The following BTN2A1 variants were observed in gnomAD, a reference collection of about 807,000 sequenced individuals.
The protein encoded by BTN2A1 is butyrophilin subfamily 2 member A1, also known as butyrophilin, subfamily 2, member A1.
BTN2A1 carries 41 observed loss-of-function variants against 34.5 expected under a neutral mutation model. The observed-to-expected ratio is 1.19, with a 90% CI of 0.93 to 1.54. The LOEUF (loss-of-function observed/expected upper bound fraction) is 1.54. Among genes scored for constraint, BTN2A1 ranks in the 40% most tolerant of loss-of-function variants. BTN2A1 has a pLI of 0.00. For missense variants in BTN2A1, 642 were observed against 662.0 expected, an observed-to-expected ratio of 0.97 and a Z score of 0.33; for synonymous variants, 267 against 258.6, an observed-to-expected ratio of 1.03 and a Z score of -0.31.
chr6:26,468,302 C>G lies in BTN2A1; in HGVS notation c.1337C>G (p.Ser446Cys). ...GATAGGATTCTCCCTTTGAAGGAGT[C>G]CCTTTGCCGGGTGGGCGTCTTCCTG... Reference protein sequence around the residue: ...SPDRILPLKESLCRVGVFLDY... With the variant: ...SPDRILPLKECLCRVGVFLDY... Residue 446 changes from serine (S) to cysteine (C), a missense_variant, in exon 8 of 8, where the codon TCC (serine) becomes TGC (cysteine). Transcript: ENST00000312541. 5 of 1,614,188 alleles carry G rather than the reference C, an allele frequency of 3.1e-6. No homozygotes were observed. The highest frequency in any genetic ancestry group is 4.2e-6 in the Non-Finnish European group (5 of 1,180,048).
In BTN2A1 at chr6:26,459,798, G is replaced by A. The variant is rs373825818; in HGVS notation, c.400G>A (p.Asp134Asn). The change falls in exon 3 of 8, where the codon GAT becomes AAT. Residue 134 changes from aspartate to asparagine, a missense_variant. Physicochemically the swap from Asp to Asn is conservative, Grantham distance 23. Coordinates refer to ENST00000312541, the MANE Select transcript of BTN2A1 (RefSeq NM_007049.5). ...RCYFQEGRSYDEAILHLVVAG... is the reference protein window; with the variant it reads ...RCYFQEGRSYNEAILHLVVAG... ...TTACTTCCAAGAAGGCAGGTCCTAC[G>A]ATGAGGCCATCCTGCACCTCGTAGT... 85 of 1,613,888 alleles carry A rather than the reference G, an allele frequency of 5.3e-5. No homozygotes were observed. Among genetic ancestry groups the A allele is most frequent in the Admixed American group, 2.8e-4 (17 of 59,982 alleles).
In BTN2A1 at chr6:26,468,690, A is replaced by G. The variant is rs760865815; in HGVS notation, c.*141A>G. The stretch of plus-strand genomic sequence containing the variant: ...TCTTCCAGCTGCCTCTTTCACACCC[A>G]CTACAGACCTCAGCCCCAGTTTTCT... On this transcript the variant is annotated 3_prime_UTR_variant, in exon 8 of 8. Transcript: ENST00000312541. The G allele has an allele frequency of 1.1e-5, 17 of 1,613,134 alleles. No homozygotes were observed. The highest frequency in any genetic ancestry group is 1.4e-5 in the Non-Finnish European group (17 of 1,179,966).
At chr6:26,472,266 C>T (rs866861913), downstream of BTN2A1, among the ~76,000 whole-genome samples, 1 of 152,168 alleles carries the variant, frequency 6.6e-6, no homozygotes, top group Non-Finnish European at 1.5e-5. Flanking sequence ...CTTAAATAAT[C>T]TGTCTGATAA....
chr6:26,459,829 G>A lies in BTN2A1; in HGVS notation c.430+1G>A. On this transcript the variant is annotated splice_donor_variant, in intron 3 of 7. Coordinates refer to ENST00000312541, the MANE Select transcript of BTN2A1 (RefSeq NM_007049.5). LOFTEE classifies it high-confidence loss of function. ...GCCATCCTGCACCTCGTAGTGGCAG[G>A]TGCGTCGCTTCATTTTGCTTTGTTA... is the stretch of plus-strand genomic sequence containing the variant. The A allele has an allele frequency of 5.0e-6, 8 of 1,609,424 alleles. No individual in the cohort carries two copies. Among genetic ancestry groups the A allele is most frequent in the Non-Finnish European group, 5.9e-6 (7 of 1,176,766 alleles).
At chr6:26,466,175 C>T (rs1286154705) in intron 7 of BTN2A1, 87 bp downstream of exon 7, 84 of 1,603,678 alleles carry the variant, frequency 5.2e-5, no homozygotes, top group Non-Finnish European at 2.6e-6. Context: ...AGCAAGGGGC[C>T]CAGGGCAAGG....
Position 26,463,609 on chromosome 6 carries a change from G to A in BTN2A1, c.712+84G>A, listed in dbSNP as rs900465450. 3.4e-6 allele frequency: 5 copies of A among 1,480,608 alleles called. No homozygotes were observed. In the Admixed American group the frequency reaches 5.5e-5, roughly 16 times the overall value. The allele number at this position is 1,480,608 out of a possible 1,614,324, so 91.7% of individuals were successfully genotyped here. A position where few individuals can be genotyped will look rare whatever the true frequency, so the allele number is the denominator to read the frequency against. On this transcript the variant is annotated intron_variant, in intron 4 of 7. Transcript: ENST00000312541. ...GGAGCCCAGAACGGGGATGGGGGCAGCAGTGTGGGTGAAATAGTCCTGGGC... is the reference window on the plus strand; with the variant it reads ...GGAGCCCAGAACGGGGATGGGGGCAACAGTGTGGGTGAAATAGTCCTGGGC...
chr6:26,471,528 G>T (rs952238223), downstream of BTN2A1, among the ~76,000 whole-genome samples: 1 of 152,210 alleles, frequency 6.6e-6, no homozygotes, highest in Non-Finnish European at 1.5e-5. Flanking sequence ...AGGAGTTCGT[G>T]AACAGCCTGG....
At chr6:26,469,856 G>C (rs1763418474), downstream of BTN2A1, among the ~76,000 whole-genome samples, 1 of 151,996 alleles carries the variant, frequency 6.6e-6, no homozygotes, top group Non-Finnish European at 1.5e-5. Flanking sequence ...AAACAGTTCT[G>C]GTTAACTGAG....
At chr6:26,467,712 T>G (rs1763352515) in intron 7 of BTN2A1, 9 of 1,589,016 alleles carry the variant, frequency 5.7e-6, no homozygotes, top group Non-Finnish European at 7.7e-6. Context: ...CTTTCCGGAT[T>G]TCTTAGAGCT....
Position 26,468,522 on chromosome 6 carries a change from C to A in BTN2A1, c.1557C>A (p.His519Gln), listed in dbSNP as rs1471309719. The A allele has an allele frequency of 3.1e-6, 5 of 1,614,192 alleles. No individual in the cohort carries two copies. In the African/African-American group the frequency reaches 5.3e-5, roughly 17 times the overall value. The change falls in exon 8 of 8, where the codon CAC (histidine) becomes CAA (glutamine). Residue 519 changes from histidine to glutamine, a missense_variant. By Grantham distance (24) the His-to-Gln change is conservative. Transcript: ENST00000312541. ...TGCCTGAAGAGGGCCTGACACTTCA[C>A]AGAGTGGGGACCCACCAGAGCCTAT... The part of the protein sequence containing the change: ...VTVPEEGLTL[H>Q]RVGTHQSL
At chr6:26,458,554 G>A (rs1262229836) in intron 1 of BTN2A1, 53 bp from the exon 2 acceptor site, 1 of 1,484,644 alleles carries the variant, frequency 6.7e-7, no homozygotes. Flanking sequence ...GGTTGGGCCC[G>A]ACCAGCACTG....
Position 26,468,441 on chromosome 6 carries a change from T to C in BTN2A1, c.1476T>C (p.Cys492=), listed in dbSNP as rs536646520. The change falls in exon 8 of 8, where the codon TGT becomes TGC. Residue 492 remains cysteine (C), a synonymous_variant. Coordinates refer to ENST00000312541, the MANE Select transcript of BTN2A1 (RefSeq NM_007049.5). ...TGAGGCCCTTCTTCAGGTTGGGGTG[T>C]GAGGACAGCCCCATCTTCATCTGCC... The part of the protein sequence containing the change: ...VPVRPFFRLG[C]EDSPIFICPA... 37 of 1,614,128 alleles carry C rather than the reference T, an allele frequency of 2.3e-5. 1 individual carries two copies. The South Asian group carries it at 4.1e-4, about 18-fold the overall frequency.
intron 3 of BTN2A1, among the ~76,000 whole-genome samples, chr6:26,461,342 G>T (rs1038881159): frequency 6.6e-6 from 1 of 152,198 alleles, no homozygotes; most frequent in African/African-American, 2.4e-5. Context: ...GGCTGATTTT[G>T]CCCTTAAATC....
intron 5 of BTN2A1, 45 bp downstream of exon 5, chr6:26,465,451 C>T (rs201650489): frequency 6.4e-7 from 1 of 1,571,892 alleles, no homozygotes; most frequent in East Asian, 2.2e-5. Flanking sequence ...AATCCCAGCA[C>T]TGTGGGAGGC....
At chr6:26,476,165 G>C (rs956769983) in exon 8 of BTN2A1, 338 of 1,536,486 alleles carry the variant, frequency 2.2e-4, no homozygotes, top group Non-Finnish European at 2.9e-4. Context: ...ACTTAGGGTG[G>C]TGAGTGGGTG....
At chr6:26,467,503 G>C (rs1333647199) in intron 7 of BTN2A1, among the ~76,000 whole-genome samples, 1 of 151,990 alleles carries the variant, frequency 6.6e-6, no homozygotes, top group Non-Finnish European at 1.5e-5. Flanking sequence ...GTAGAGATGG[G>C]GTTTCACCAT....
At chr6:26,472,263 A>G (rs931904425), downstream of BTN2A1, among the ~76,000 whole-genome samples, 11 of 152,160 alleles carry the variant, frequency 7.2e-5, no homozygotes, top group Admixed American at 2.6e-4. Context: ...CCCCTTAAAT[A>G]ATCTGTCTGA....
intron 4 of BTN2A1, among the ~76,000 whole-genome samples, chr6:26,463,993 G>A (rs1489232106): frequency 2.0e-5 from 3 of 151,996 alleles, no homozygotes; most frequent in South Asian, 4.1e-4. Flanking sequence ...TAGAGATGGG[G>A]ATTTCACCTT....
chr6:26,462,756 G>T (rs1420904599), intron 3 of BTN2A1: 4 of 1,249,724 alleles, frequency 3.2e-6, no homozygotes, highest in Non-Finnish European at 4.2e-6. Flanking sequence ...TTAGGATTCT[G>T]CCCGCCTGGC....
Sources: allele counts gnomAD v4.1 joint callset (sites outside exome capture counted in the v4.1 genomes callset), GRCh38; gene constraint gnomAD v4.1.1; transcripts MANE v1.5; gene names NCBI Gene and HGNC (gene_info 2026-07-23, HGNC 2026-07-21).